Variants in ASTN2 observed in about 807,000 individuals in gnomAD.
The protein encoded by ASTN2 is astrotactin 2, also known as astrotactin-2.
Under a neutral mutation model 139.8 loss-of-function variants are expected in ASTN2, and 54 were observed. That is an observed-to-expected ratio of 0.39 (90% CI 0.31 to 0.48). ASTN2 has a LOEUF of 0.48. Among genes scored for constraint, ASTN2 ranks in the 20% least tolerant of loss-of-function variants. The pLI is 0.95. For missense variants in ASTN2, 1,565 were observed against 1,725.1 expected, an observed-to-expected ratio of 0.91 and a Z score of 1.64; for synonymous variants, 756 against 719.5, an observed-to-expected ratio of 1.05 and a Z score of -0.81.
At chr9:116,704,909 T>A (rs898366464) in intron 16 of ASTN2, among the ~76,000 whole-genome samples, 1 of 152,208 alleles carries the variant, frequency 6.6e-6, no homozygotes, top group African/African-American at 2.4e-5. Context: ...ATGTAGTACA[T>A]ACATCTAAGT....
chr9:117,064,279 C>T (rs1167671912), intron 5 of ASTN2, among the ~76,000 whole-genome samples: 1 of 152,132 alleles, frequency 6.6e-6, no homozygotes, highest in Non-Finnish European at 1.5e-5. Context: ...CAAGCTGCTG[C>T]AGTCCAGCTT....
At chr9:116,669,107 A>G (rs1370923575) in intron 16 of ASTN2, among the ~76,000 whole-genome samples, 1 of 152,174 alleles carries the variant, frequency 6.6e-6, no homozygotes, top group East Asian at 1.9e-4. Flanking sequence ...TCCATAAGAC[A>G]TGTCCACCAG....
intron 10 of ASTN2, among the ~76,000 whole-genome samples, chr9:116,945,587 A>ATGT (rs1835371984): frequency 6.6e-6 from 1 of 151,376 alleles, no homozygotes; most frequent in South Asian, 2.1e-4. Flanking sequence ...TTCCTCTTTC[A>ATGT]TTCTCTTTAT....
In ASTN2 at chr9:117,237,087, C is replaced by T. The variant is rs534080184; in HGVS notation, c.631-22345G>A. ...TTTTGGCATTTTCTATCTGCCAGCC[C>T]CTGCCCTACCCACTTAGAGTATATT... On this transcript the variant is annotated intron_variant, in intron 2 of 22. Transcript: ENST00000313400. Among the ~76,000 whole-genome samples the T allele has an allele frequency of 3.1e-3, 467 of 152,272 alleles. 5 individuals are homozygous for T. Among genetic ancestry groups the T allele is most frequent in the Non-Finnish European group, 5.5e-3 (377 of 68,032 alleles).
chr9:116,532,168 T>C (rs1851382892), intron 19 of ASTN2, among the ~76,000 whole-genome samples: 1 of 152,232 alleles, frequency 6.6e-6, no homozygotes, highest in African/African-American at 2.4e-5. Flanking sequence ...TGTCTTCTTT[T>C]GAGAAGTGTC....
chr9:116,444,578 C>G (rs1186539990), intron 20 of ASTN2, among the ~76,000 whole-genome samples: 1 of 152,076 alleles, frequency 6.6e-6, no homozygotes, highest in African/African-American at 2.4e-5. Context: ...CTACATGGGC[C>G]CTTCCAGCTT....
intron 10 of ASTN2, among the ~76,000 whole-genome samples, chr9:116,935,588 A>G (rs1835043571): frequency 6.6e-6 from 1 of 152,190 alleles, no homozygotes; most frequent in Non-Finnish European, 1.5e-5. Flanking sequence ...AAAAAAAAAG[A>G]CTTCCAGTCA....
chr9:117,271,664 G>A (rs766211790), intron 2 of ASTN2, among the ~76,000 whole-genome samples: 4 of 152,192 alleles, frequency 2.6e-5, no homozygotes, highest in Non-Finnish European at 5.9e-5. Context: ...AAACACGGCT[G>A]TTCCAAATGG....
intron 2 of ASTN2, among the ~76,000 whole-genome samples, chr9:117,235,654 C>T (rs1833024069): frequency 6.6e-6 from 1 of 152,202 alleles, no homozygotes; most frequent in Non-Finnish European, 1.5e-5. Flanking sequence ...AGCTCTGTAT[C>T]ACATGGCTGG....
chr9:116,699,734 C>T lies in ASTN2; in HGVS notation c.2806+26037G>A. On this transcript the variant is annotated intron_variant, in intron 16 of 22. Coordinates refer to ENST00000313400, the MANE Select transcript of ASTN2 (RefSeq NM_001365068.1). This position sits in a 1 kb window ranked among gnomAD's most constrained non-coding sequence, Gnocchi z 4.2. ...TGAGAAATTATCAGTTTCTTCTGCT[C>T]CCAAGCCAACTTCCCTTCCCTTAGT... is the stretch of plus-strand genomic sequence containing the variant. 1.2e-6 allele frequency: 2 copies of T among 1,614,054 alleles called. No individual in the cohort carries two copies. The highest frequency in any genetic ancestry group is 1.6e-4 in the Middle Eastern group (1 of 6,062).
chr9:116,686,640 T>G, intron 16 of ASTN2: 2 of 1,506,754 alleles, frequency 1.3e-6, no homozygotes, highest in South Asian at 1.2e-5. Context: ...TCCCACCTGG[T>G]AAGATTCCTC....
intron 19 of ASTN2, chr9:116,546,444 G>C (rs1852094919): frequency 6.6e-6 from 1 of 152,160 alleles, no homozygotes; most frequent in Non-Finnish European, 1.5e-5. Flanking sequence ...AAGTAGCAGA[G>C]CCTGGATACC....
intron 20 of ASTN2, among the ~76,000 whole-genome samples, chr9:116,450,007 C>T (rs951426519): frequency 6.6e-6 from 1 of 152,246 alleles, no homozygotes; most frequent in South Asian, 2.1e-4. Context: ...AATTTTCAAC[C>T]CACAGATCCA....
At chr9:116,766,735 C>T (rs13300728) in intron 13 of ASTN2, among the ~76,000 whole-genome samples, 22,306 of 151,888 alleles carry the variant, frequency 0.15, 2,065 homozygotes, top group Non-Finnish European at 0.21. Flanking sequence ...CACACAAGCT[C>T]ACACATTCAG....
chr9:116,678,314 C>T (rs991870938), intron 16 of ASTN2, among the ~76,000 whole-genome samples: 4 of 152,160 alleles, frequency 2.6e-5, no homozygotes, highest in African/African-American at 4.8e-5. Flanking sequence ...CAGACCTTAT[C>T]GTCACTTCTG....
At chr9:117,315,258 G>A (rs372243387) in intron 1 of ASTN2, among the ~76,000 whole-genome samples, 8 of 152,286 alleles carry the variant, frequency 5.3e-5, no homozygotes, top group African/African-American at 1.9e-4. Flanking sequence ...AACAAGCACA[G>A]TGGTGTTTAA....
chr9:116,849,263 C>T (rs1198430969), intron 11 of ASTN2, among the ~76,000 whole-genome samples: 4 of 152,146 alleles, frequency 2.6e-5, no homozygotes, highest in Non-Finnish European at 4.4e-5. Context: ...TCATTGGCCA[C>T]TGGTGATCAA....
rs543137864 is a variant in ASTN2, at chr9:116,648,053, G to C, written c.3072+3475C>G. ...GTCTTGCTCTGTTGCCCAGACTGGA[G>C]TGCAATGGTGCGATCTTGGCTCACT... On this transcript the variant is annotated intron_variant, in intron 17 of 22. Transcript: ENST00000313400. 7.5e-4 allele frequency among the ~76,000 whole-genome samples: 113 copies of C among 150,796 alleles called. 1 individual carries two copies. Among genetic ancestry groups the C allele is most frequent in the African/African-American group, 2.7e-3 (109 of 40,944 alleles).
intron 3 of ASTN2, among the ~76,000 whole-genome samples, chr9:117,156,834 C>A (rs1017082498): frequency 3.3e-5 from 5 of 152,040 alleles, no homozygotes; most frequent in African/African-American, 7.2e-5. Flanking sequence ...TTTGCAGTAA[C>A]TGTGGTTTAG....
Sources: allele counts gnomAD v4.1 joint callset (sites outside exome capture counted in the v4.1 genomes callset), GRCh38; gene constraint gnomAD v4.1.1; non-coding constraint Gnocchi (gnomAD v3.1); transcripts MANE v1.5; gene names NCBI Gene and HGNC (gene_info 2026-07-23, HGNC 2026-07-21).